Variants in PHLPP2 observed in about 807,000 individuals in gnomAD.
PHLPP2 encodes the protein PH domain leucine-rich repeat-containing protein phosphatase 2.
Under a neutral mutation model 124.9 loss-of-function variants are expected in PHLPP2, and 66 were observed. The ratio of observed to expected loss-of-function variants is 0.53; its 90% confidence interval spans 0.43 to 0.65. The LOEUF (loss-of-function observed/expected upper bound fraction) is 0.65, where lower values mean the gene tolerates loss of function less well. Among genes scored for constraint, PHLPP2 ranks in the 30% least tolerant of loss-of-function variants. The pLI is 0.00. For missense variants in PHLPP2, 1,685 were observed against 1,600.4 expected (o/e 1.05, Z -0.90); for synonymous variants, 681 against 624.7 (o/e 1.09, Z -1.34).
intron 16 of PHLPP2, 25 bp downstream of exon 16, chr16:71,656,546 C>T (rs749537533): frequency 4.3e-6 from 6 of 1,395,546 alleles, no homozygotes; most frequent in South Asian, 2.3e-5. Flanking sequence ...TTTTCTTTCT[C>T]AGTCTCCATG....
chr16:71,714,064 T>C (rs2045341338), intron 2 of PHLPP2, among the ~76,000 whole-genome samples: 1 of 151,672 alleles, frequency 6.6e-6, no homozygotes, highest in South Asian at 2.1e-4. Context: ...CTCAGCCTCC[T>C]GACTAGCTGG....
chr16:71,668,579 T>G (rs1000296076), intron 11 of PHLPP2, among the ~76,000 whole-genome samples: 1 of 151,912 alleles, frequency 6.6e-6, no homozygotes, highest in Non-Finnish European at 1.5e-5. Flanking sequence ...GTGGCCAATA[T>G]AGCAAAGCCC....
intron 9 of PHLPP2, among the ~76,000 whole-genome samples, chr16:71,674,718 C>A (rs1178455238): frequency 6.6e-6 from 1 of 152,084 alleles, no homozygotes. Context: ...ACTTTTAGGC[C>A]GGGTGTAATG....
rs2145336711 is a variant in PHLPP2, at chr16:71,678,846, A to G, written c.1177T>C (p.Leu393=). 1.9e-6 allele frequency: 3 copies of G among 1,612,148 alleles called. No individual in the cohort carries two copies. The East Asian group carries it at 6.7e-5, about 36-fold the overall frequency. ...IPEVYEKLTM[L]DRVVMAGNCL... ...TTTCCTGCCATAACCACTCTATCTA[A>G]CATAGTGAGTTTCTCATAAACCTCA... is the stretch of plus-strand genomic sequence containing the variant. Residue 393 remains leucine, a synonymous_variant, in exon 8 of 19, where the codon TTA becomes CTA. Coordinates refer to ENST00000568954, the MANE Select transcript of PHLPP2 (RefSeq NM_015020.3).
At chr16:71,723,028 CTAGCT>C (rs1233560052) in intron 1 of PHLPP2, among the ~76,000 whole-genome samples, 4 of 152,240 alleles carry the variant, frequency 2.6e-5, no homozygotes, top group African/African-American at 9.6e-5. Flanking sequence ...AGAAGCCCCG[CTAGCT>C]GCCTGTTGCA....
In PHLPP2 at chr16:71,644,964, T is replaced by C. The variant is rs1042673017; in HGVS notation, c.*3926A>G. The C allele has an allele frequency of 3.3e-5, 10 of 303,774 alleles. No individual in the cohort carries two copies. The highest frequency in any genetic ancestry group is 2.0e-4 in the African/African-American group (9 of 44,516). The allele number at this position is 303,774 out of a possible 1,614,324, so 18.8% of individuals were successfully genotyped here. A position where few individuals can be genotyped will look rare whatever the true frequency, so the allele number is the denominator to read the frequency against. Reference sequence around the variant, plus strand: ...ATGAAAAAGATTCCACTTTATTTTATTTATTATTGTTATTGTTATTTTTAC... The same window carrying C: ...ATGAAAAAGATTCCACTTTATTTTACTTATTATTGTTATTGTTATTTTTAC... On this transcript the variant is annotated 3_prime_UTR_variant, in exon 19 of 19. Transcript: ENST00000568954.
chr16:71,665,836 C>T (rs1192923597), intron 12 of PHLPP2, among the ~76,000 whole-genome samples: 1 of 152,172 alleles, frequency 6.6e-6, no homozygotes, highest in Non-Finnish European at 1.5e-5. Context: ...TTAAATGTTA[C>T]ATAAAGAAAA....
chr16:71,669,153 A>G (rs2044867291), intron 11 of PHLPP2, 122 bp downstream of exon 11: 1 of 630,728 alleles, frequency 1.6e-6, no homozygotes, highest in Non-Finnish European at 2.8e-6. Context: ...ACACTGCCTC[A>G]TGCTCAGCAG....
chr16:71,710,267 G>A (rs977618775), intron 2 of PHLPP2, among the ~76,000 whole-genome samples: 6 of 152,124 alleles, frequency 3.9e-5, no homozygotes, highest in Non-Finnish European at 1.5e-5. Context: ...CAAGGTGGGA[G>A]GGTTACAGGG....
intron 13 of PHLPP2, among the ~76,000 whole-genome samples, chr16:71,661,191 T>A (rs139246484): frequency 6.6e-6 from 1 of 151,814 alleles, no homozygotes; most frequent in African/African-American, 2.4e-5. Flanking sequence ...CTTGGCCTCC[T>A]GAGTAGCTGG....
At position 71,655,099 on chromosome 16, in the gene PHLPP2, T is replaced by C. The variant is rs139662419; in HGVS notation, c.2585+141A>G. ...GAAGTCCCCGCACTCCATGCTCATA[T>C]AGAGAATGATCATAGAAGACAACAA... is the stretch of plus-strand genomic sequence containing the variant. On this transcript the variant is annotated intron_variant, in intron 17 of 18. Coordinates refer to ENST00000568954, the MANE Select transcript of PHLPP2 (RefSeq NM_015020.3). 12 of 645,990 alleles carry C rather than the reference T, an allele frequency of 1.9e-5. No individual in the cohort carries two copies. The East Asian group carries it at 2.1e-4, about 11-fold the overall frequency. The allele number at this position is 645,990 out of a possible 1,614,324, so 40.0% of individuals were successfully genotyped here. A position where few individuals can be genotyped will look rare whatever the true frequency, so the allele number is the denominator to read the frequency against.
rs1567611465 is a variant in PHLPP2 at position 71,652,823 on chromosome 16, T to C, written c.2784A>G (p.Gln928=). Residue 928 remains glutamine, a synonymous_variant, in exon 18 of 19, where the codon CAA becomes CAG. Coordinates refer to ENST00000568954, the MANE Select transcript of PHLPP2 (RefSeq NM_015020.3). ...FSLEQDPEEA[Q]RVKDQKAIIT... ...TGATGGCTTTTTGGTCCTTCACCCT[T>C]TGAGCCTCCTCTGGGTCCTGCTCCA... 3.7e-6 allele frequency: 6 copies of C among 1,614,122 alleles called. No homozygotes were observed. The South Asian group carries it at 4.4e-5, about 12-fold the overall frequency.
At chr16:71,660,065 C>A (rs2044775099) in intron 13 of PHLPP2, among the ~76,000 whole-genome samples, 1 of 151,384 alleles carries the variant, frequency 6.6e-6, no homozygotes, top group Non-Finnish European at 1.5e-5. Flanking sequence ...TATATACTCA[C>A]TGAAAAAAAC....
chr16:71,713,921 T>C (rs1391817282), intron 2 of PHLPP2, among the ~76,000 whole-genome samples: 1 of 127,214 alleles, frequency 7.9e-6, no homozygotes. Context: ...ATTTACACTT[T>C]TCAAAAAAAA....
intron 3 of PHLPP2, among the ~76,000 whole-genome samples, chr16:71,699,184 A>C (rs1418263975): frequency 3.3e-5 from 5 of 152,152 alleles, no homozygotes; most frequent in Non-Finnish European, 2.9e-5. Flanking sequence ...AGGCAGAGAA[A>C]TTCTAGGCAG....
chr16:71,660,144 CTG>C (rs1294731377), intron 13 of PHLPP2, among the ~76,000 whole-genome samples: 2 of 151,710 alleles, frequency 1.3e-5, no homozygotes, highest in Non-Finnish European at 2.9e-5. Flanking sequence ...TAAATAATCT[CTG>C]ATAACATTTT....
At chr16:71,666,801 G>T (rs76211100) in intron 12 of PHLPP2, among the ~76,000 whole-genome samples, 12,847 of 152,220 alleles carry the variant, frequency 0.084, 571 homozygotes, top group Middle Eastern at 0.11. Context: ...TAACTTTAGT[G>T]GTACGTCCTT....
chr16:71,718,895 T>C (rs2045380576), intron 1 of PHLPP2, among the ~76,000 whole-genome samples: 1 of 152,218 alleles, frequency 6.6e-6, no homozygotes, highest in African/African-American at 2.4e-5. Flanking sequence ...GGCCTGGATA[T>C]TAAGCAAAGC....
In PHLPP2 at chr16:71,698,466, G is replaced by A. The variant is rs540928173; in HGVS notation, c.418+4132C>T. On this transcript the variant is annotated intron_variant, in intron 3 of 18. Transcript: ENST00000568954. Reference sequence around the variant, plus strand: ...TGGTAACTTGGCCAATGTGAACCTCGGCCACAGTGCCCTGCGGCTTTCCAA... The same window carrying A: ...TGGTAACTTGGCCAATGTGAACCTCAGCCACAGTGCCCTGCGGCTTTCCAA... 3.3e-4 allele frequency: 249 copies of A among 748,390 alleles called. 2 individuals are homozygous for A. The highest frequency in any genetic ancestry group is 2.6e-3 in the African/African-American group (149 of 58,278). The allele number at this position is 748,390 out of a possible 1,614,324, so 46.4% of individuals were successfully genotyped here. A position where few individuals can be genotyped will look rare whatever the true frequency, so the allele number is the denominator to read the frequency against.
Sources: gnomAD v4.1 joint callset for allele counts (sites outside exome capture counted in the v4.1 genomes callset) on GRCh38, gnomAD v4.1.1 for gene constraint, MANE v1.5 for transcripts, NCBI Gene and HGNC (gene_info 2026-07-23, HGNC 2026-07-21) for gene names.